RAD54L2: variants seen among roughly 807,000 people sequenced by gnomAD.
RAD54L2 encodes the protein helicase ARIP4.
A neutral mutation model predicts 138.4 loss-of-function variants in RAD54L2; 27 were observed. That is an observed-to-expected ratio of 0.20 (90% CI 0.14 to 0.27). The LOEUF is 0.27. RAD54L2 is among the 10% of genes least tolerant of loss of function. RAD54L2 has a pLI of 1.00. For missense variants in RAD54L2, 1,396 were observed against 1,890.2 expected (o/e 0.74, Z 4.85); for synonymous variants, 644 against 723.2 (o/e 0.89, Z 1.76).
Position 51,637,495 on chromosome 3 carries a change from T to C in RAD54L2, c.1674T>C (p.Phe558=), listed in dbSNP as rs1262448861. The change falls in exon 11 of 23, where the codon TTT becomes TTC. Residue 558 remains phenylalanine (F), a synonymous_variant. Transcript: ENST00000684192. This position sits in a 1 kb window ranked among gnomAD's most constrained non-coding sequence, Gnocchi z 5.9. ...SHVLHSLLEG[F]VQRRGHTVLK... Reference sequence around the variant, plus strand: ...TCCTGCACAGTCTTCTGGAGGGCTTTGTGCAGAGGTGAGCCATCCTCAGGG... The same window carrying C: ...TCCTGCACAGTCTTCTGGAGGGCTTCGTGCAGAGGTGAGCCATCCTCAGGG... 6.2e-7 allele frequency: 1 copy of C among 1,609,410 alleles called. No individual in the cohort carries two copies. The highest frequency in any genetic ancestry group is 8.5e-7 in the Non-Finnish European group (1 of 1,176,766).
chr3:51,638,757 A>C lies in RAD54L2; in HGVS notation c.1860+436A>C, dbSNP rs1485344677. On this transcript the variant is annotated intron_variant, in intron 12 of 22. Transcript: ENST00000684192. The surrounding 1 kb of genome is among the most constrained non-coding windows in gnomAD (Gnocchi z 4.3). Reference sequence around the variant, plus strand: ...TTGAGGGACCTGTTTCATTGACTTCATACCTCTACCCCTGGCTACTCTTCA... The same window carrying C: ...TTGAGGGACCTGTTTCATTGACTTCCTACCTCTACCCCTGGCTACTCTTCA... The C allele has an allele frequency of 6.1e-6, 1 of 163,592 alleles. No individual in the cohort carries two copies. The highest frequency in any genetic ancestry group is 2.4e-5 in the African/African-American group (1 of 41,630). 10.1% of individuals were successfully genotyped at this position (163,592 alleles called of 1,614,324 possible).
chr3:51,564,520 G>T (rs1699168939), intron 2 of RAD54L2, among the ~76,000 whole-genome samples: 2 of 152,224 alleles, frequency 1.3e-5, no homozygotes, highest in Admixed American at 6.5e-5. Context: ...AGCTCTTGGG[G>T]TCTGCCCTTT....
chr3:51,654,264 G>T (rs1701535154), intron 19 of RAD54L2, among the ~76,000 whole-genome samples: 2 of 152,202 alleles, frequency 1.3e-5, no homozygotes, highest in Admixed American at 6.5e-5. Context: ...GGCCAGGCTG[G>T]TCTTGAATTC....
chr3:51,590,962 A>G (rs1431423188), intron 3 of RAD54L2, among the ~76,000 whole-genome samples: 1 of 152,192 alleles, frequency 6.6e-6, no homozygotes, highest in Admixed American at 6.5e-5. Flanking sequence ...TTCTGAAATT[A>G]TACATACAAT....
At chr3:51,632,130 C>T (rs1198944393) in intron 7 of RAD54L2, among the ~76,000 whole-genome samples, 3 of 152,240 alleles carry the variant, frequency 2.0e-5, no homozygotes, top group Non-Finnish European at 4.4e-5. Flanking sequence ...CCTCCAGTTC[C>T]ATCCATGTTG....
Position 51,645,320 on chromosome 3 carries a change from C to A in RAD54L2, c.2656+91C>A. 7.6e-7 allele frequency: 1 copy of A among 1,314,624 alleles called. No individual in the cohort carries two copies. Among genetic ancestry groups the A allele is most frequent in the Non-Finnish European group, 1.1e-6 (1 of 942,744 alleles). 81.4% of individuals were successfully genotyped at this position (1,314,624 alleles called of 1,614,324 possible). A position where few individuals can be genotyped will look rare whatever the true frequency, so the allele number is the denominator to read the frequency against. The stretch of plus-strand genomic sequence containing the variant: ...GTGGGAGAGGAGCAGGATATGGGAA[C>A]ACAGGCAGGCTTCGAGAAAGCCAGC... On this transcript the variant is annotated intron_variant, in intron 17 of 22. Coordinates refer to ENST00000684192, the MANE Select transcript of RAD54L2 (RefSeq NM_015106.4). The surrounding 1 kb of genome is among the most constrained non-coding windows in gnomAD (Gnocchi z 6.1).
chr3:51,610,484 A>G (rs971837010), intron 3 of RAD54L2, among the ~76,000 whole-genome samples: 5 of 150,876 alleles, frequency 3.3e-5, no homozygotes, highest in Non-Finnish European at 7.4e-5. Flanking sequence ...GGCACCTATA[A>G]TCCCAGCTAC....
intron 2 of RAD54L2, among the ~76,000 whole-genome samples, chr3:51,576,583 G>T (rs1391147014): frequency 6.6e-6 from 1 of 152,004 alleles, no homozygotes; most frequent in Non-Finnish European, 1.5e-5. Context: ...TGGGAGGGTG[G>T]ATGGGTCCGG....
intron 2 of RAD54L2, 32 bp downstream of exon 2, chr3:51,541,682 T>A (rs1306811468): frequency 6.6e-6 from 1 of 152,232 alleles, no homozygotes; most frequent in Non-Finnish European, 1.5e-5. Context: ...AGTCATTTGC[T>A]TCTTAATTTT....
intron 3 of RAD54L2, among the ~76,000 whole-genome samples, chr3:51,622,839 G>A (rs543705147): frequency 2.6e-4 from 40 of 152,322 alleles, no homozygotes; most frequent in Non-Finnish European, 4.7e-4. Context: ...TGGTTGTTGG[G>A]TTGGAAGGTC....
chr3:51,592,054 G>GTTT lies in RAD54L2; in HGVS notation c.139+1522_139+1524dup, dbSNP rs71084151. Among the ~76,000 whole-genome samples the GTTT allele has an allele frequency of 5.4e-3, 363 of 66,862 alleles. 55 individuals carry two copies. In the East Asian group the frequency reaches 0.058, roughly 11 times the overall value. The allele number at this position is 66,862 out of a possible 152,430, so 43.9% of individuals were successfully genotyped here. ...TGTAGCTGTGCAATTTGGTTTTGGT[G>GTTT]TTTTTTTTTTTTTTTTTTTTTTTTT... On this transcript the variant is annotated intron_variant, in intron 3 of 22. Coordinates refer to ENST00000684192, the MANE Select transcript of RAD54L2 (RefSeq NM_015106.4).
At chr3:51,639,726 A>G (rs1701079553) in intron 13 of RAD54L2, 56 bp downstream of exon 13, 5 of 1,596,052 alleles carry the variant, frequency 3.1e-6, no homozygotes, top group Non-Finnish European at 4.3e-6. Context: ...GGGATGGTGC[A>G]AGCCCTGCCT....
At chr3:51,546,985 C>T (rs1698714358) in intron 2 of RAD54L2, among the ~76,000 whole-genome samples, 1 of 151,280 alleles carries the variant, frequency 6.6e-6, no homozygotes, top group Non-Finnish European at 1.5e-5. Flanking sequence ...GCCGAGATCT[C>T]ACCACTGCAC....
chr3:51,585,536 C>A (rs1223206395), intron 2 of RAD54L2, among the ~76,000 whole-genome samples: 1 of 152,132 alleles, frequency 6.6e-6, no homozygotes, highest in Non-Finnish European at 1.5e-5. Context: ...GTCTCTAAGG[C>A]CTGTGCCTGC....
intron 2 of RAD54L2, among the ~76,000 whole-genome samples, chr3:51,543,475 G>A (rs1252079560): frequency 7.9e-5 from 12 of 152,204 alleles, no homozygotes; most frequent in African/African-American, 2.9e-4. Flanking sequence ...AGGCATAGTG[G>A]CGCATGCCTG....
chr3:51,572,025 T>G (rs1385348498), intron 2 of RAD54L2, among the ~76,000 whole-genome samples: 1 of 152,190 alleles, frequency 6.6e-6, no homozygotes, highest in African/African-American at 2.4e-5. Context: ...TACACTTTCT[T>G]TCTCATCTAT....
At chr3:51,616,617 G>A (rs1700449065) in intron 3 of RAD54L2, among the ~76,000 whole-genome samples, 2 of 151,892 alleles carry the variant, frequency 1.3e-5, no homozygotes, top group African/African-American at 4.8e-5. Context: ...CACCTGAGGT[G>A]AGGAGTTTGA....
At chr3:51,566,485 T>G (rs1443206966) in intron 2 of RAD54L2, among the ~76,000 whole-genome samples, 3 of 138,188 alleles carry the variant, frequency 2.2e-5, no homozygotes, top group African/African-American at 8.2e-5. Context: ...TTTTTTTTTT[T>G]TTTTTTTTTT....
At chr3:51,623,593 T>C (rs1700613641) in intron 3 of RAD54L2, among the ~76,000 whole-genome samples, 1 of 152,234 alleles carries the variant, frequency 6.6e-6, no homozygotes, top group Non-Finnish European at 1.5e-5. Flanking sequence ...TACTTTTAAC[T>C]GCCTGCTCCT....
Sources: gnomAD v4.1 joint callset for allele counts (sites outside exome capture counted in the v4.1 genomes callset) on GRCh38, gnomAD v4.1.1 for gene constraint, Gnocchi (gnomAD v3.1) non-coding constraint, MANE v1.5 for transcripts, NCBI Gene and HGNC (gene_info 2026-07-23, HGNC 2026-07-21) for gene names.